IQCM: variants seen among roughly 807,000 people sequenced by gnomAD.
IQCM encodes the protein IQ motif containing M, also known as IQ domain-containing protein M.
In IQCM, 45 loss-of-function variants were observed where a neutral mutation model predicts 57.6. The ratio of observed to expected loss-of-function variants is 0.78; its 90% CI spans 0.62 to 1.00. The LOEUF (loss-of-function observed/expected upper bound fraction) is 1.00. Among genes scored for constraint, IQCM ranks in the 50% least tolerant of loss-of-function variants. IQCM has a pLI of 0.00. For synonymous variants in IQCM, 148 were observed against 158.9 expected, an observed-to-expected ratio of 0.93 and a Z score of 0.51; for missense variants, 468 against 511.6, an observed-to-expected ratio of 0.91 and a Z score of 0.82.
chr4:149,581,315 G>A (rs946592113), intron 9 of IQCM, among the ~76,000 whole-genome samples: 1 of 151,452 alleles, frequency 6.6e-6, no homozygotes, highest in Admixed American at 6.6e-5. Context: ...ACTTGTGTGT[G>A]TGTGTGTGTG....
chr4:149,487,735 A>G (rs1741673025), intron 12 of IQCM, among the ~76,000 whole-genome samples: 1 of 151,974 alleles, frequency 6.6e-6, no homozygotes, highest in African/African-American at 2.4e-5. Context: ...TCATTGTAAA[A>G]TCCCCTAGTC....
chr4:149,777,266 C>G (rs1313367542), intron 2 of IQCM, among the ~76,000 whole-genome samples: 1 of 152,306 alleles, frequency 6.6e-6, no homozygotes, highest in East Asian at 1.9e-4. Flanking sequence ...TCTGCTTCTA[C>G]TCTTCAAGAA....
rs574641087 is a variant in IQCM at position 149,588,642 on chromosome 4, G to A, written c.682-645C>T. ...ACGAGGAAAAGATACCCAAGAAAAGGCCACGTGAGGACACAATAAGAAGAT... is the reference window on the plus strand; with the variant it reads ...ACGAGGAAAAGATACCCAAGAAAAGACCACGTGAGGACACAATAAGAAGAT... On this transcript the variant is annotated intron_variant, in intron 8 of 13. Transcript: ENST00000636793. Among the ~76,000 whole-genome samples, 282 of 151,892 alleles carry A rather than the reference G, an allele frequency of 1.9e-3. 2 individuals carry two copies. The highest frequency in any genetic ancestry group is 8.0e-4 in the Non-Finnish European group (54 of 67,902).
chr4:149,642,997 G>A lies in IQCM; in HGVS notation c.566-21753C>T, dbSNP rs561967049. The stretch of plus-strand genomic sequence containing the variant: ...ATAAGAATCAGTAGCCTACAGATCA[G>A]TACTGACCTTTTTTAAATTTTTTAA... On this transcript the variant is annotated intron_variant, in intron 7 of 13. Transcript: ENST00000636793. Among the ~76,000 whole-genome samples, 81 of 152,066 alleles carry A rather than the reference G, an allele frequency of 5.3e-4. 1 individual carries two copies. The South Asian group carries it at 0.015, about 28-fold the overall frequency.
chr4:149,539,826 C>T (rs546494815), intron 12 of IQCM, among the ~76,000 whole-genome samples: 1 of 152,240 alleles, frequency 6.6e-6, no homozygotes, highest in African/African-American at 2.4e-5. Flanking sequence ...GATGGCACCA[C>T]TGCACTCCAG....
chr4:149,405,902 ATATATATT>A (rs929190106), intron 13 of IQCM, among the ~76,000 whole-genome samples: 3 of 147,582 alleles, frequency 2.0e-5, no homozygotes, highest in South Asian at 2.1e-4. Flanking sequence ...ATATATATAT[ATATATATT>A]TATCTCCATA....
chr4:149,459,747 C>T lies in IQCM; in HGVS notation c.1229-26190G>A, dbSNP rs376081196. Among the ~76,000 whole-genome samples, 61 of 152,200 alleles carry T rather than the reference C, an allele frequency of 4.0e-4. 1 individual carries two copies. In the South Asian group the frequency reaches 0.012, roughly 29 times the overall value. On this transcript the variant is annotated intron_variant, in intron 12 of 13. Transcript: ENST00000636793. ...TAATGTCCTCAAGATTAATTTATGT[C>T]GTAGTATATTCCAGAATTTCCTTTC...
intron 8 of IQCM, among the ~76,000 whole-genome samples, chr4:149,618,554 A>C (rs1192499944): frequency 2.6e-5 from 4 of 152,188 alleles, no homozygotes; most frequent in African/African-American, 9.6e-5. Context: ...TAAAAGAATA[A>C]ACAGACAACC....
intron 12 of IQCM, among the ~76,000 whole-genome samples, chr4:149,543,458 G>A (rs1404193661): frequency 3.3e-5 from 5 of 151,928 alleles, no homozygotes; most frequent in Non-Finnish European, 7.4e-5. Context: ...AATATGCGGT[G>A]TTTGGTTTTT....
chr4:149,413,610 A>C (rs1333431169), intron 13 of IQCM, among the ~76,000 whole-genome samples: 1 of 152,210 alleles, frequency 6.6e-6, no homozygotes, highest in Non-Finnish European at 1.5e-5. Flanking sequence ...AAAGTAAAAC[A>C]AAGAGCAGTG....
At position 149,557,263 on chromosome 4, in the gene IQCM, G is replaced by T. The variant is rs1749681359; in HGVS notation, c.949-3976C>A. 2.6e-5 allele frequency among the ~76,000 whole-genome samples: 4 copies of T among 152,046 alleles called. No homozygotes were observed. The South Asian group carries it at 8.3e-4, about 32-fold the overall frequency. On this transcript the variant is annotated intron_variant, in intron 10 of 13. Coordinates refer to ENST00000636793, the MANE Select transcript of IQCM (RefSeq NM_001363507.2). ...AAAGACTTCACAATTTGCAATAATT[G>T]GACACTTCTGGTACCAGAATGGCCT... is the stretch of plus-strand genomic sequence containing the variant.
intron 5 of IQCM, among the ~76,000 whole-genome samples, chr4:149,687,289 T>C (rs552592089): frequency 5.3e-4 from 81 of 151,628 alleles, no homozygotes; most frequent in African/African-American, 1.9e-3. Context: ...AACATTTTTG[T>C]AGAAATGGAA....
chr4:149,559,376 T>C (rs1749904088), intron 10 of IQCM, among the ~76,000 whole-genome samples: 2 of 152,178 alleles, frequency 1.3e-5, no homozygotes, highest in Non-Finnish European at 2.9e-5. Flanking sequence ...CTTCCTTTAC[T>C]GCCATTGTCC....
chr4:149,728,652 C>T (rs1234521450), intron 5 of IQCM, among the ~76,000 whole-genome samples: 1 of 152,122 alleles, frequency 6.6e-6, no homozygotes, highest in African/African-American at 2.4e-5. Context: ...GCATCACTTC[C>T]AGCTATAATC....
intron 5 of IQCM, among the ~76,000 whole-genome samples, chr4:149,712,607 C>A (rs2149834551): frequency 6.6e-6 from 1 of 152,262 alleles, no homozygotes; most frequent in Admixed American, 6.5e-5. Context: ...GATGGAAATA[C>A]AAACAAGACT....
Position 149,472,925 on chromosome 4 carries a change from G to C in IQCM, c.1229-39368C>G, listed in dbSNP as rs181638877. Among the ~76,000 whole-genome samples, 393 of 152,304 alleles carry C rather than the reference G, an allele frequency of 2.6e-3. 1 individual carries two copies. The highest frequency in any genetic ancestry group is 0.01 in the Middle Eastern group (3 of 294). On this transcript the variant is annotated intron_variant, in intron 12 of 13. Transcript: ENST00000636793. ...TGGGAAAACTGGCTAGCCATATGTAGACAGCTGAAACTGGATCCCTTCCTT... is the reference window on the plus strand; with the variant it reads ...TGGGAAAACTGGCTAGCCATATGTACACAGCTGAAACTGGATCCCTTCCTT...
intron 13 of IQCM, among the ~76,000 whole-genome samples, chr4:149,414,291 A>C (rs1003520489): frequency 7.2e-5 from 11 of 152,174 alleles, no homozygotes; most frequent in African/African-American, 2.7e-4. Flanking sequence ...TATGTGGTCA[A>C]TTCTACTGTA....
intron 7 of IQCM, among the ~76,000 whole-genome samples, chr4:149,666,689 C>T (rs886073107): frequency 6.6e-6 from 1 of 152,150 alleles, no homozygotes; most frequent in Non-Finnish European, 1.5e-5. Context: ...TTGAAATTCT[C>T]GCTGTCAGCA....
intron 12 of IQCM, among the ~76,000 whole-genome samples, chr4:149,468,666 A>C (rs1220524347): frequency 1.3e-5 from 2 of 152,222 alleles, no homozygotes; most frequent in African/African-American, 2.4e-5. Flanking sequence ...GAGAACAGAC[A>C]GACTGCCTCC....
Sources: allele counts gnomAD v4.1 joint callset (sites outside exome capture counted in the v4.1 genomes callset), GRCh38; gene constraint gnomAD v4.1.1; transcripts MANE v1.5; gene names NCBI Gene and HGNC (gene_info 2026-07-23, HGNC 2026-07-21).